Variants in POU6F2 observed in about 807,000 individuals in gnomAD.
POU6F2 encodes POU class 6 homeobox 2.
A neutral mutation model predicts 71.3 loss-of-function variants in POU6F2; 31 were observed. That is an observed-to-expected ratio of 0.43 (90% CI 0.33 to 0.59). The LOEUF is 0.59. Among genes scored for constraint, POU6F2 ranks in the 20% least tolerant of loss-of-function variants. The pLI, the probability that POU6F2 is intolerant of heterozygous loss-of-function variation, is 0.04. For missense variants in POU6F2, 783 were observed against 856.8 expected, an observed-to-expected ratio of 0.91 and a Z score of 1.07; for synonymous variants, 347 against 355.7, an observed-to-expected ratio of 0.98 and a Z score of 0.27.
chr7:39,206,441 T>C (rs1794013394), intron 3 of POU6F2, among the ~76,000 whole-genome samples: 2 of 152,264 alleles, frequency 1.3e-5, no homozygotes, highest in Non-Finnish European at 2.9e-5. Context: ...CAAATGATGT[T>C]AGAGTAATAA....
chr7:39,247,407 C>T (rs1783840695), intron 4 of POU6F2, among the ~76,000 whole-genome samples: 1 of 152,002 alleles, frequency 6.6e-6, no homozygotes, highest in Admixed American at 6.6e-5. Context: ...GCCAAGATCT[C>T]ACCTCTGCAC....
At chr7:39,279,190 C>A (rs1012033232) in intron 4 of POU6F2, among the ~76,000 whole-genome samples, 2 of 152,076 alleles carry the variant, frequency 1.3e-5, no homozygotes, top group Non-Finnish European at 2.9e-5. Flanking sequence ...AACTTCTGAT[C>A]CCCACAATCC....
rs532958631 is a variant in POU6F2, at chr7:39,435,444, C to G, written c.1320+2161C>G. 2.0e-5 allele frequency among the ~76,000 whole-genome samples: 3 copies of G among 152,172 alleles called. No homozygotes were observed. The East Asian group carries it at 5.8e-4, about 29-fold the overall frequency. Reference sequence around the variant, plus strand: ...GTGTAAATGTCTTCTTTTGAGAAGTCTGTTCATATCCTTCGCCCACTTTTT... The same window carrying G: ...GTGTAAATGTCTTCTTTTGAGAAGTGTGTTCATATCCTTCGCCCACTTTTT... On this transcript the variant is annotated intron_variant, in intron 7 of 9. Transcript: ENST00000518318.
chr7:39,328,901 T>C (rs1313599646), intron 4 of POU6F2: 1 of 152,228 alleles, frequency 6.6e-6, no homozygotes, highest in Non-Finnish European at 1.5e-5. Context: ...CGTCTTTCTG[T>C]ACTTCCCGTA....
chr7:38,986,884 A>G (rs976721116), intron 1 of POU6F2, among the ~76,000 whole-genome samples: 1 of 152,150 alleles, frequency 6.6e-6, no homozygotes, highest in African/African-American at 2.4e-5. Flanking sequence ...ACTTACTTTT[A>G]CATATAAAAA....
intron 4 of POU6F2, among the ~76,000 whole-genome samples, chr7:39,318,071 C>A (rs186149429): frequency 5.3e-5 from 8 of 152,300 alleles, no homozygotes; most frequent in Admixed American, 4.6e-4. Flanking sequence ...CCCACACTAA[C>A]CCTATTGCTG....
chr7:39,247,107 C>T (rs1783835042), intron 4 of POU6F2, among the ~76,000 whole-genome samples: 1 of 151,838 alleles, frequency 6.6e-6, no homozygotes, highest in African/African-American at 2.4e-5. Flanking sequence ...GTGGGTGCTT[C>T]CTCCTTGAAT....
At chr7:39,413,418 G>A (rs544974318) in intron 6 of POU6F2, among the ~76,000 whole-genome samples, 2 of 152,214 alleles carry the variant, frequency 1.3e-5, no homozygotes, top group East Asian at 3.9e-4. Context: ...TCTATATTTT[G>A]AATAAGTAAG....
At chr7:39,265,514 G>A (rs1784222545) in intron 4 of POU6F2, among the ~76,000 whole-genome samples, 1 of 152,196 alleles carries the variant, frequency 6.6e-6, no homozygotes, top group Non-Finnish European at 1.5e-5. Context: ...TTCAAGAGGG[G>A]CATGTGGTTT....
At chr7:39,068,816 C>G (rs979025846) in intron 1 of POU6F2, among the ~76,000 whole-genome samples, 1 of 152,094 alleles carries the variant, frequency 6.6e-6, no homozygotes, top group African/African-American at 2.4e-5. Flanking sequence ...TCTGATTCCT[C>G]AGAATATATC....
intron 1 of POU6F2, among the ~76,000 whole-genome samples, chr7:38,981,464 C>T (rs1292116998): frequency 3.3e-5 from 5 of 152,106 alleles, no homozygotes; most frequent in Non-Finnish European, 1.5e-5. Flanking sequence ...GTTGGCTTCA[C>T]GTCTATAGAC....
At chr7:38,996,043 T>G (rs1480031942) in intron 1 of POU6F2, among the ~76,000 whole-genome samples, 3 of 97,210 alleles carry the variant, frequency 3.1e-5, no homozygotes, top group Non-Finnish European at 7.5e-5. Context: ...GGCTTTTTTT[T>G]TTTTTTTTTT....
intron 3 of POU6F2, among the ~76,000 whole-genome samples, chr7:39,206,558 T>G (rs1365016382): frequency 6.6e-6 from 1 of 152,254 alleles, no homozygotes; most frequent in African/African-American, 2.4e-5. Flanking sequence ...TCTACCATTT[T>G]AACAATAATC....
chr7:39,233,551 A>G (rs1794616656), intron 4 of POU6F2, among the ~76,000 whole-genome samples: 1 of 152,164 alleles, frequency 6.6e-6, no homozygotes, highest in South Asian at 2.1e-4. Flanking sequence ...AGCACATAGG[A>G]GGAATCCTGT....
Position 39,332,388 on chromosome 7 carries a change from C to G in POU6F2, c.599-7254C>G, listed in dbSNP as rs559974419. The stretch of plus-strand genomic sequence containing the variant: ...TCTTGAGTGACTTCAACGCTGTTTC[C>G]TGGGTCCTTTGTCTTCCTCTTCCTT... On this transcript the variant is annotated intron_variant, in intron 4 of 9. Transcript: ENST00000518318. Among the ~76,000 whole-genome samples the G allele has an allele frequency of 5.3e-5, 8 of 152,304 alleles. No homozygotes were observed. The South Asian group carries it at 1.7e-3, about 32-fold the overall frequency.
intron 2 of POU6F2, among the ~76,000 whole-genome samples, chr7:39,129,406 G>C (rs1321001635): frequency 6.6e-6 from 1 of 152,138 alleles, no homozygotes; most frequent in Non-Finnish European, 1.5e-5. Context: ...ACATTGTTAT[G>C]TAGGAAAACC....
intron 2 of POU6F2, among the ~76,000 whole-genome samples, chr7:39,189,923 TCA>T (rs1793625770): frequency 6.6e-6 from 1 of 151,870 alleles, no homozygotes; most frequent in African/African-American, 2.4e-5. Context: ...CGACAGGGCC[TCA>T]CTCCCTCACC....
At chr7:39,375,134 G>A (rs1203779396) in intron 5 of POU6F2, among the ~76,000 whole-genome samples, 2 of 152,074 alleles carry the variant, frequency 1.3e-5, no homozygotes, top group African/African-American at 2.4e-5. Context: ...GGAAGATGAA[G>A]GAATATGCTT....
chr7:39,337,440 G>GTAAA (rs1435197185), intron 4 of POU6F2, among the ~76,000 whole-genome samples: 4 of 152,284 alleles, frequency 2.6e-5, no homozygotes, highest in Middle Eastern at 3.4e-3. Flanking sequence ...AGGGAAGAAA[G>GTAAA]TAAAGTCTTT....
Sources: gnomAD v4.1 joint callset for allele counts (sites outside exome capture counted in the v4.1 genomes callset) on GRCh38, gnomAD v4.1.1 for gene constraint, MANE v1.5 for transcripts, NCBI Gene and HGNC (gene_info 2026-07-23, HGNC 2026-07-21) for gene names.